TANC2: variants seen among roughly 807,000 people sequenced by gnomAD.
TANC2 encodes the protein protein TANC2.
In TANC2, 26 loss-of-function variants were observed where a neutral mutation model predicts 210.5. The ratio of observed to expected loss-of-function variants is 0.12; its 90% CI spans 0.09 to 0.17. The LOEUF is 0.17. Among genes scored for constraint, TANC2 ranks in the 10% least tolerant of loss-of-function variants. The pLI is 1.00. For missense variants in TANC2, 2,129 were observed against 2,608.9 expected (o/e 0.82, Z 4.01); for synonymous variants, 931 against 967.1 (o/e 0.96, Z 0.69).
chr17:63,165,711 A>G (rs537045356), intron 5 of TANC2, among the ~76,000 whole-genome samples: 1 of 152,362 alleles, frequency 6.6e-6, no homozygotes, highest in South Asian at 2.1e-4. Flanking sequence ...ATGATATGAT[A>G]TTACTTTCCT....
intron 1 of TANC2, among the ~76,000 whole-genome samples, chr17:63,007,316 T>G (rs1425028254): frequency 6.6e-6 from 1 of 152,234 alleles, no homozygotes; most frequent in Non-Finnish European, 1.5e-5. Context: ...GCATATTGCC[T>G]TAAGTCTACT....
At chr17:63,243,970 A>T (rs1012294524) in intron 8 of TANC2, among the ~76,000 whole-genome samples, 8 of 152,138 alleles carry the variant, frequency 5.3e-5, no homozygotes, top group African/African-American at 1.9e-4. Context: ...CCTTTTACAG[A>T]TTTTAATATT....
intron 9 of TANC2, among the ~76,000 whole-genome samples, chr17:63,273,985 G>A (rs146068754): frequency 4.6e-5 from 7 of 152,260 alleles, no homozygotes; most frequent in East Asian, 1.9e-4. Flanking sequence ...ATGCCTCAAG[G>A]TCCATCAGTC....
intron 11 of TANC2, among the ~76,000 whole-genome samples, chr17:63,322,354 C>T (rs1431820907): frequency 1.3e-5 from 2 of 152,048 alleles, no homozygotes; most frequent in South Asian, 2.1e-4. Context: ...AAAAATTAGC[C>T]GGGCGTGGTG....
chr17:62,975,931 A>G (rs2031977820), intron 1 of TANC2, among the ~76,000 whole-genome samples: 1 of 152,060 alleles, frequency 6.6e-6, no homozygotes, highest in East Asian at 1.9e-4. Flanking sequence ...CCAATTTTTT[A>G]CTGGCATTGT....
At chr17:63,207,189 T>G (rs1458170023) in intron 7 of TANC2, among the ~76,000 whole-genome samples, 2 of 151,404 alleles carry the variant, frequency 1.3e-5, no homozygotes, top group Non-Finnish European at 2.9e-5. Context: ...AAAGCATATT[T>G]ATGCAAATTT....
At chr17:63,281,406 TC>T (rs2044053125) in intron 9 of TANC2, among the ~76,000 whole-genome samples, 1 of 152,042 alleles carries the variant, frequency 6.6e-6, no homozygotes, top group Non-Finnish European at 1.5e-5. Context: ...TTGCCCCAGA[TC>T]CTTGGCTGAC....
chr17:63,307,047 G>A (rs1481231380), intron 9 of TANC2, among the ~76,000 whole-genome samples: 1 of 152,200 alleles, frequency 6.6e-6, no homozygotes, highest in Admixed American at 6.5e-5. Context: ...GAAACTGGAA[G>A]GCCAGAAGAG....
At chr17:63,323,471 C>T (rs565054633) in intron 11 of TANC2, among the ~76,000 whole-genome samples, 15 of 152,304 alleles carry the variant, frequency 9.8e-5, no homozygotes, top group Non-Finnish European at 1.9e-4. Context: ...AAAGCATAAT[C>T]ACAGTAGAGG....
intron 8 of TANC2, among the ~76,000 whole-genome samples, chr17:63,264,974 A>G (rs1412272540): frequency 1.3e-5 from 2 of 152,118 alleles, no homozygotes; most frequent in South Asian, 2.1e-4. Flanking sequence ...AAAGGAACTC[A>G]TTACCTTCTC....
chr17:63,261,995 T>C (rs1394927664), intron 8 of TANC2, among the ~76,000 whole-genome samples: 3 of 152,224 alleles, frequency 2.0e-5, no homozygotes, highest in Admixed American at 2.0e-4. Flanking sequence ...CAGTCCTATC[T>C]GAATGGTTTG....
At chr17:63,269,381 T>G (rs2043627690) in intron 9 of TANC2, among the ~76,000 whole-genome samples, 1 of 152,096 alleles carries the variant, frequency 6.6e-6, no homozygotes, top group African/African-American at 2.4e-5. Context: ...CTGAATAAAG[T>G]TGATCAAGAG....
At chr17:63,091,142 T>C (rs1197976055) in intron 3 of TANC2, among the ~76,000 whole-genome samples, 1 of 131,962 alleles carries the variant, frequency 7.6e-6, no homozygotes, top group South Asian at 2.4e-4. Context: ...TGCAAAAATT[T>C]TCTCCCATTC....
chr17:63,228,429 A>G (rs7214611), intron 7 of TANC2, among the ~76,000 whole-genome samples: 3,191 of 152,258 alleles, frequency 0.021, 105 homozygotes, highest in African/African-American at 0.071. Context: ...TGTTGGTTCC[A>G]TATGAATTTT....
chr17:63,301,856 T>C (rs2044727929), intron 9 of TANC2, among the ~76,000 whole-genome samples: 1 of 152,230 alleles, frequency 6.6e-6, no homozygotes, highest in South Asian at 2.1e-4. Context: ...TCTAGCTCTT[T>C]TAATTGTGAT....
intron 5 of TANC2, among the ~76,000 whole-genome samples, chr17:63,185,413 G>C (rs1295187765): frequency 6.6e-6 from 1 of 152,028 alleles, no homozygotes; most frequent in East Asian, 1.9e-4. Flanking sequence ...TTTTCAACTT[G>C]GGCTATGATG....
intron 13 of TANC2, among the ~76,000 whole-genome samples, chr17:63,354,331 GA>G (rs2046717244): frequency 6.6e-6 from 1 of 152,124 alleles, no homozygotes; most frequent in African/African-American, 2.4e-5. Flanking sequence ...TGTTGTGTGG[GA>G]AATTTTTTTT....
At chr17:63,173,408 A>G (rs1190521806) in intron 5 of TANC2, among the ~76,000 whole-genome samples, 1 of 152,164 alleles carries the variant, frequency 6.6e-6, no homozygotes, top group Non-Finnish European at 1.5e-5. Context: ...TCAGGACAAA[A>G]TGGCCAGGGC....
At chr17:63,413,735 G>C in intron 25 of TANC2, 101 bp downstream of exon 25, 8 of 1,098,142 alleles carry the variant, frequency 7.3e-6, no homozygotes, top group Non-Finnish European at 9.2e-6. Context: ...TTTGCGTAGA[G>C]GCAAAGGGAA....
Sources: gnomAD v4.1 joint callset for allele counts (sites outside exome capture counted in the v4.1 genomes callset) on GRCh38, gnomAD v4.1.1 for gene constraint, MANE v1.5 for transcripts, NCBI Gene and HGNC (gene_info 2026-07-23, HGNC 2026-07-21) for gene names.